PRDX4: variants seen among roughly 807,000 people sequenced by gnomAD.
PRDX4 encodes the protein peroxiredoxin-4.
Under a neutral mutation model 20.5 loss-of-function variants are expected in PRDX4, and 12 were observed. The ratio of observed to expected loss-of-function variants is 0.58; its 90% confidence interval spans 0.37 to 0.95. The LOEUF is 0.95. Among genes scored for constraint, PRDX4 ranks in the 40% least tolerant of loss-of-function variants. PRDX4 has a pLI of 0.01. For synonymous variants in PRDX4, 99 were observed against 87.5 expected, an observed-to-expected ratio of 1.13 and a Z score of -0.73; for missense variants, 180 against 207.3, an observed-to-expected ratio of 0.87 and a Z score of 0.81.
chrX:23,684,166 G>A (rs976279830), intron 6 of PRDX4, among the ~76,000 whole-genome samples: 1 of 110,437 alleles, frequency 9.1e-6, no homozygotes, highest in African/African-American at 3.3e-5. Context: ...GACATTCTTT[G>A]GCCTGTAGGA....
chrX:23,679,703 G>A (rs1258740267), intron 4 of PRDX4, among the ~76,000 whole-genome samples: 2 of 109,315 alleles, frequency 1.8e-5, no homozygotes, highest in African/African-American at 6.7e-5. Flanking sequence ...AATTGGCTGG[G>A]CATGGTGGCT....
rs142993943 is a variant in PRDX4 at position 23,668,595 on chromosome X, T to C, written c.241+784T>C. 2.9e-3 allele frequency among the ~76,000 whole-genome samples: 327 copies of C among 112,760 alleles called. 2 individuals are homozygous for C. Among genetic ancestry groups the C allele is most frequent in the African/African-American group, 0.01 (312 of 31,108 alleles). ...GTTGTAGCCTGCTACATCTGGATGT[T>C]AAAATTAACCAAAAGTGAACAGTGG... is the stretch of plus-strand genomic sequence containing the variant. On this transcript the variant is annotated intron_variant, in intron 1 of 6. Transcript: ENST00000379341.
At position 23,682,567 on chromosome X, in the gene PRDX4, GAT is replaced by G. The variant is rs780019914; in HGVS notation, c.730+43_730+44del. The G allele has an allele frequency of 1.4e-5, 14 of 1,025,917 alleles. No homozygotes were observed. In the South Asian group the frequency reaches 3.4e-4, roughly 25 times the overall value. The allele number at this position is 1,025,917 out of a possible 1,213,427, so 84.5% of individuals were successfully genotyped here. A position where few individuals can be genotyped will look rare whatever the true frequency, so the allele number is the denominator to read the frequency against. On this transcript the variant is annotated intron_variant, in intron 5 of 6. Coordinates refer to ENST00000379341, the MANE Select transcript of PRDX4 (RefSeq NM_006406.2). The stretch of plus-strand genomic sequence containing the variant: ...AACCTTTTGATTTTTTAGTTTGAAA[GAT>G]AGCATAATTAGTTAGGTTTCTTATC...
intron 1 of PRDX4, among the ~76,000 whole-genome samples, chrX:23,668,994 C>G (rs1055747504): frequency 2.7e-5 from 3 of 110,095 alleles, no homozygotes; most frequent in Non-Finnish European, 5.7e-5. Context: ...CGCGCGATCT[C>G]GGCTCACTGC....
At chrX:23,677,755 CAA>C (rs1325599702) in intron 3 of PRDX4, among the ~76,000 whole-genome samples, 1 of 109,809 alleles carries the variant, frequency 9.1e-6, no homozygotes, top group Admixed American at 9.8e-5. Context: ...ATCAATTAGA[CAA>C]GTGTATAAAA....
chrX:23,671,373 A>G (rs1045521800), intron 1 of PRDX4, 156 bp from the exon 2 acceptor site: 13 of 376,178 alleles, frequency 3.5e-5, no homozygotes, highest in Middle Eastern at 5.0e-4. Flanking sequence ...TCCTTTTTGC[A>G]TTCAATAACA....
Position 23,670,690 on chromosome X carries a change from C to A in PRDX4, c.242-839C>A, listed in dbSNP as rs186938381. 3.3e-3 allele frequency among the ~76,000 whole-genome samples: 370 copies of A among 112,333 alleles called. 2 individuals carry two copies. Among genetic ancestry groups the A allele is most frequent in the African/African-American group, 0.011 (354 of 30,980 alleles). On this transcript the variant is annotated intron_variant, in intron 1 of 6. Transcript: ENST00000379341. ...ATTACTGTACGCCCTTACAAGAGAG[C>A]AGCATGAACTGTTCAGTTTCCATTG... is the stretch of plus-strand genomic sequence containing the variant.
At chrX:23,671,884 T>C (rs970957558) in intron 2 of PRDX4, among the ~76,000 whole-genome samples, 9 of 112,435 alleles carry the variant, frequency 8.0e-5, no homozygotes, top group African/African-American at 2.9e-4. Context: ...TACAATATAT[T>C]CATTAAGCTA....
At chrX:23,672,692 A>G (rs1372802623) in intron 2 of PRDX4, among the ~76,000 whole-genome samples, 1 of 112,137 alleles carries the variant, frequency 8.9e-6, no homozygotes, top group South Asian at 3.7e-4. Flanking sequence ...TTCCTCCTCT[A>G]TCTTTGCCAC....
At chrX:23,676,757 A>T (rs1333393842) in intron 3 of PRDX4, among the ~76,000 whole-genome samples, 1 of 105,771 alleles carries the variant, frequency 9.5e-6, no homozygotes, top group Non-Finnish European at 1.9e-5. Flanking sequence ...ATACCACTGC[A>T]CTTCAGCCTG....
chrX:23,670,526 C>T (rs1927823623), intron 1 of PRDX4, among the ~76,000 whole-genome samples: 1 of 111,751 alleles, frequency 8.9e-6, no homozygotes, highest in African/African-American at 3.3e-5. Flanking sequence ...GAAGTATAAG[C>T]CTTACTTTCT....
At chrX:23,668,292 G>C (rs1013746042) in intron 1 of PRDX4, among the ~76,000 whole-genome samples, 12 of 112,218 alleles carry the variant, frequency 1.1e-4, no homozygotes, top group Non-Finnish European at 1.9e-4. Context: ...CTTTTTGTTT[G>C]CATCTTACAA....
At chrX:23,679,435 G>A (rs1928016998) in intron 4 of PRDX4, 148 bp downstream of exon 4, 3 of 677,383 alleles carry the variant, frequency 4.4e-6, no homozygotes, top group Admixed American at 3.7e-5. Context: ...CTGTAATCCT[G>A]GCACTTTGGG....
intron 3 of PRDX4, among the ~76,000 whole-genome samples, chrX:23,676,526 C>T (rs1004897225): frequency 8.1e-5 from 9 of 110,523 alleles, no homozygotes; most frequent in Non-Finnish European, 1.3e-4. Context: ...CATGGTGGCT[C>T]ACGCCTATAA....
At chrX:23,681,161 G>A in intron 4 of PRDX4, among the ~76,000 whole-genome samples, 1 of 111,347 alleles carries the variant, frequency 9.0e-6, no homozygotes, top group Admixed American at 9.6e-5. Flanking sequence ...GAACCCTGGG[G>A]GGCGGAGTCT....
intron 2 of PRDX4, among the ~76,000 whole-genome samples, chrX:23,674,748 C>G (rs1366563300): frequency 8.9e-6 from 1 of 111,866 alleles, no homozygotes; most frequent in Non-Finnish European, 1.9e-5. Flanking sequence ...GACTACTGAT[C>G]TATTAAGTTG....
At chrX:23,686,131 T>A (rs1255954426) in intron 6 of PRDX4, 154 bp from the exon 7 acceptor site, 7 of 469,995 alleles carry the variant, frequency 1.5e-5, no homozygotes, top group African/African-American at 2.4e-5. Context: ...ATAGCCGAAA[T>A]TAGTAGGCAG....
intron 2 of PRDX4, among the ~76,000 whole-genome samples, chrX:23,673,325 A>G (rs2146787915): frequency 8.9e-6 from 1 of 112,704 alleles, no homozygotes; most frequent in South Asian, 3.6e-4. Context: ...GAGAAGGAAG[A>G]ATTCTGGGGC....
chrX:23,681,092 C>T (rs1311852017), intron 4 of PRDX4, among the ~76,000 whole-genome samples: 1 of 110,039 alleles, frequency 9.1e-6, no homozygotes, highest in Non-Finnish European at 1.9e-5. Context: ...ATTAGCCGGG[C>T]GTGGTGGCGG....
Sources: allele counts gnomAD v4.1 joint callset (sites outside exome capture counted in the v4.1 genomes callset), GRCh38; gene constraint gnomAD v4.1.1; transcripts MANE v1.5; gene names NCBI Gene and HGNC (gene_info 2026-07-23, HGNC 2026-07-21).